The following RNF115 variants were observed in gnomAD, a reference collection of about 807,000 sequenced individuals.
The protein encoded by RNF115 is ring finger protein 115.
In RNF115, 31 loss-of-function variants were observed where a neutral mutation model predicts 39.2. That is an observed-to-expected ratio of 0.79 (90% CI 0.59 to 1.07). The LOEUF (loss-of-function observed/expected upper bound fraction) is 1.07. RNF115 is among the 50% of genes least tolerant of loss of function. The pLI is 0.00. For missense variants in RNF115, 384 were observed against 381.7 expected, an observed-to-expected ratio of 1.01 and a Z score of -0.05; for synonymous variants, 124 against 131.0, an observed-to-expected ratio of 0.95 and a Z score of 0.37.
intron 5 of RNF115, among the ~76,000 whole-genome samples, chr1:145,752,517 G>T (rs1400292738): frequency 6.7e-6 from 1 of 149,372 alleles, no homozygotes; most frequent in Non-Finnish European, 1.5e-5. Context: ...TTCTGATTAA[G>T]TTTGGGCTTA....
intron 6 of RNF115, 100 bp from the exon 7 acceptor site, chr1:145,750,600 A>G: frequency 1.2e-6 from 1 of 853,064 alleles, no homozygotes; most frequent in Non-Finnish European, 1.9e-6. Flanking sequence ...GACATTAGGT[A>G]TGTTAGTTAC....
intron 4 of RNF115, among the ~76,000 whole-genome samples, chr1:145,770,518 T>G (rs1369505965): frequency 6.6e-6 from 1 of 152,158 alleles, no homozygotes. Flanking sequence ...CTTTGAATTT[T>G]GAGTTTTATT....
chr1:145,784,595 A>T lies in RNF115; in HGVS notation c.163T>A (p.Phe55Ile), dbSNP rs1553717894. ...ATCCGACTGCCGCCACCACCTAAAA[A>T]ACTAAAGAGAAAAGGAATGAGTGGT... ...FIEEVTDDSS[F>I]LGGGGSRIDN... The change falls in exon 3 of 9, where the codon TTT (phenylalanine) becomes ATT (isoleucine). Residue 55 changes from phenylalanine to isoleucine, a missense_variant and splice_region_variant. By Grantham distance (21) the Phe-to-Ile change is conservative. Coordinates refer to ENST00000582693, the MANE Select transcript of RNF115 (RefSeq NM_014455.4). The T allele has an allele frequency of 6.2e-7, 1 of 1,613,892 alleles. No homozygotes were observed. Among genetic ancestry groups the T allele is most frequent in the Non-Finnish European group, 8.5e-7 (1 of 1,179,798 alleles).
In RNF115 at chr1:145,759,522, T is replaced by C. The variant is rs192116367; in HGVS notation, c.429-6473A>G. On this transcript the variant is annotated intron_variant, in intron 4 of 8. Coordinates refer to ENST00000582693, the MANE Select transcript of RNF115 (RefSeq NM_014455.4). ...CTGTCAGTAACTCCTATCATGAATA[T>C]TGCCAAACTGCATCTGAAACCAAAC... is the stretch of plus-strand genomic sequence containing the variant. 3.0e-3 allele frequency among the ~76,000 whole-genome samples: 461 copies of C among 152,290 alleles called. 2 individuals carry two copies. Among genetic ancestry groups the C allele is most frequent in the Non-Finnish European group, 4.4e-3 (296 of 68,022 alleles).
chr1:145,814,455 C>T (rs587624055), intron 1 of RNF115, among the ~76,000 whole-genome samples: 98 of 151,556 alleles, frequency 6.5e-4, no homozygotes, highest in Non-Finnish European at 1.3e-3. Context: ...TGGTGGCAGG[C>T]ACCTGTAATC....
chr1:145,766,680 C>T (rs1647299426), intron 4 of RNF115, among the ~76,000 whole-genome samples: 1 of 144,082 alleles, frequency 6.9e-6, no homozygotes, highest in African/African-American at 2.6e-5. Context: ...GGGCTGACCC[C>T]CCCACCTCCC....
intron 1 of RNF115, among the ~76,000 whole-genome samples, chr1:145,803,912 T>C (rs587735186): frequency 6.6e-6 from 1 of 152,220 alleles, no homozygotes; most frequent in Admixed American, 6.5e-5. Context: ...CCAGAGAAAA[T>C]GTTAATTAAC....
chr1:145,765,242 A>C (rs587748705), intron 4 of RNF115, among the ~76,000 whole-genome samples: 1 of 152,070 alleles, frequency 6.6e-6, no homozygotes, highest in Non-Finnish European at 1.5e-5. Context: ...AAGAGTCATC[A>C]CCACTCCCTA....
At chr1:145,782,571 C>G (rs782038227) in intron 3 of RNF115, among the ~76,000 whole-genome samples, 2 of 152,248 alleles carry the variant, frequency 1.3e-5, no homozygotes, top group Non-Finnish European at 2.9e-5. Context: ...AAGGATAACT[C>G]ATGCCATCAG....
chr1:145,787,662 G>A lies in RNF115; in HGVS notation c.161+1246C>T, dbSNP rs746224396. Among the ~76,000 whole-genome samples, 178 of 151,816 alleles carry A rather than the reference G, an allele frequency of 1.2e-3. 3 individuals carry two copies. Among genetic ancestry groups the A allele is most frequent in the Non-Finnish European group, 1.9e-3 (132 of 67,966 alleles). On this transcript the variant is annotated intron_variant, in intron 2 of 8. Coordinates refer to ENST00000582693, the MANE Select transcript of RNF115 (RefSeq NM_014455.4). ...AGCACTTTGGGAGGCCAAGGCAGGC[G>A]GATCACTTGAGGTCAGGAGTTCAAG...
intron 1 of RNF115, among the ~76,000 whole-genome samples, chr1:145,795,354 ACCCAAG>A (rs1553719796): frequency 2.6e-5 from 4 of 152,032 alleles, no homozygotes; most frequent in African/African-American, 9.7e-5. Flanking sequence ...CGCGGAAGGG[ACCCAAG>A]CTGCTTGCTG....
intron 2 of RNF115, chr1:145,788,692 T>G: frequency 1.5e-6 from 1 of 665,560 alleles, no homozygotes; most frequent in South Asian, 1.5e-5. Flanking sequence ...ACATCTGCTA[T>G]GATATCACTT....
At position 145,783,618 on chromosome 1, in the gene RNF115, C is replaced by T. The variant is rs72704218; in HGVS notation, c.219+921G>A. 6.8e-3 allele frequency among the ~76,000 whole-genome samples: 1,029 copies of T among 152,170 alleles called. 8 individuals carry two copies. The highest frequency in any genetic ancestry group is 0.011 in the Non-Finnish European group (760 of 67,996). On this transcript the variant is annotated intron_variant, in intron 3 of 8. Transcript: ENST00000582693. ...AAGAAATCCTGATTATGGGATTTAA[C>T]TTATTTCTTCCTTTTAGCATCTGTC...
intron 1 of RNF115, among the ~76,000 whole-genome samples, chr1:145,799,759 A>C (rs1649147183): frequency 6.6e-6 from 1 of 152,108 alleles, no homozygotes; most frequent in African/African-American, 2.4e-5. Context: ...TGCCTGGCTA[A>C]TTGTGTTTAT....
chr1:145,746,870 A>T lies in RNF115; in HGVS notation c.911T>A (p.Phe304Tyr). ...ATTCAGGTGTGGTCTTTAGCTTCAG[A>T]AAGTCCATCGGTCATGTAGCTGACT... ...NDSQLHDRWT[F>Y] Residue 304 changes from phenylalanine (F) to tyrosine (Y), a missense_variant, in exon 9 of 9, where the codon TTC (phenylalanine) becomes TAC (tyrosine). Physicochemically the swap from Phe to Tyr is conservative, Grantham distance 22. Coordinates refer to ENST00000582693, the MANE Select transcript of RNF115 (RefSeq NM_014455.4). The T allele has an allele frequency of 1.2e-6, 2 of 1,614,034 alleles. No homozygotes were observed. Among genetic ancestry groups the T allele is most frequent in the South Asian group, 1.1e-5 (1 of 91,034 alleles).
At chr1:145,779,707 G>A (rs587705710) in intron 3 of RNF115, among the ~76,000 whole-genome samples, 57 of 152,052 alleles carry the variant, frequency 3.7e-4, no homozygotes, top group African/African-American at 1.4e-3. Context: ...CTGTTGCTCA[G>A]GCTAGAGTGC....
At chr1:145,765,590 A>C (rs1647222575) in intron 4 of RNF115, among the ~76,000 whole-genome samples, 1 of 152,126 alleles carries the variant, frequency 6.6e-6, no homozygotes. Flanking sequence ...GAGAAATTCA[A>C]AGACAAGAGT....
At chr1:145,760,909 C>T (rs1403469751) in intron 4 of RNF115, among the ~76,000 whole-genome samples, 4 of 152,138 alleles carry the variant, frequency 2.6e-5, no homozygotes, top group African/African-American at 9.7e-5. Context: ...GCCCAAAATG[C>T]TAATAGTGAT....
In RNF115 at chr1:145,823,881, C is replaced by T. The variant is rs1553724985; in HGVS notation, c.-8G>A. On this transcript the variant is annotated 5_prime_UTR_variant, in exon 1 of 9. Coordinates refer to ENST00000582693, the MANE Select transcript of RNF115 (RefSeq NM_014455.4). ...CGCCGAAGCCTCCGCCATTTTTGCCCTCCGCCGCGGCCGTCCGAGAGGGCA... is the reference window on the plus strand; with the variant it reads ...CGCCGAAGCCTCCGCCATTTTTGCCTTCCGCCGCGGCCGTCCGAGAGGGCA... 1 of 1,526,580 alleles carries T rather than the reference C, an allele frequency of 6.6e-7. No homozygotes were observed. Among genetic ancestry groups the T allele is most frequent in the African/African-American group, 1.4e-5 (1 of 69,914 alleles). 94.6% of individuals were successfully genotyped at this position (1,526,580 alleles called of 1,614,324 possible).
Sources: allele counts gnomAD v4.1 joint callset (sites outside exome capture counted in the v4.1 genomes callset), GRCh38; gene constraint gnomAD v4.1.1; transcripts MANE v1.5; gene names NCBI Gene and HGNC (gene_info 2026-07-23, HGNC 2026-07-21).